Variants in NLRP1 observed in about 807,000 individuals in gnomAD.
NLRP1 encodes the protein NLR family pyrin domain containing 1.
In NLRP1, 94 loss-of-function variants were observed where a neutral mutation model predicts 136.7. The ratio of observed to expected loss-of-function variants is 0.69; its 90% confidence interval spans 0.58 to 0.82. The LOEUF is 0.82. Ranked by LOEUF, NLRP1 falls within the 40% of genes least tolerant of loss-of-function variation. NLRP1 has a pLI of 0.00. For missense variants in NLRP1, 1,575 were observed against 1,802.7 expected (o/e 0.87, Z 2.29); for synonymous variants, 690 against 725.1 (o/e 0.95, Z 0.78).
chr17:5,563,097 T>C (rs1914945332), intron 3 of NLRP1, among the ~76,000 whole-genome samples: 1 of 151,430 alleles, frequency 6.6e-6, no homozygotes, highest in Non-Finnish European at 1.5e-5. Flanking sequence ...TCAAACAAGA[T>C]AAAAACAAAA....
rs1567674530 is a variant in NLRP1 at position 5,581,877 on chromosome 17, A to G, written c.634T>C (p.Ser212Pro). 1 of 1,612,390 alleles carries G rather than the reference A, an allele frequency of 6.2e-7. No individual in the cohort carries two copies. Among genetic ancestry groups the G allele is most frequent in the Non-Finnish European group, 8.5e-7 (1 of 1,179,822 alleles). The change falls in exon 3 of 17, where the codon TCA becomes CCA. Residue 212 changes from serine (S) to proline (P), a missense_variant. Transcript: ENST00000572272. ...PGTQWPLDET[S>P]GIYYTEIRER... is the part of the protein sequence containing the mutation. ...GTCTCACCTGTGTAGTAAATTCCTG[A>G]CGTTTCATCCAGAGGCCATTGGGTC...
At chr17:5,512,381 T>G (rs1003133420), downstream of NLRP1, 4 of 1,131,362 alleles carry the variant, frequency 3.5e-6, no homozygotes, top group East Asian at 9.2e-5. Flanking sequence ...GACCCACACT[T>G]GTAACATCTT....
chr17:5,520,915 CCAGA>C lies in NLRP1; in HGVS notation c.3877_3880del (p.Ser1293GlyfsTer43), dbSNP rs1183244151. 1 of 1,610,958 alleles carries C rather than the reference CCAGA, an allele frequency of 6.2e-7. No individual in the cohort carries two copies. The highest frequency in any genetic ancestry group is 2.2e-5 in the East Asian group (1 of 44,880). ...TATTTCCAGCATCCCTGAACCAGAC[CCAGA>C]CACAGTGTAACGACAGCCCATATAA... On this transcript the variant is annotated frameshift_variant, in exon 14 of 17. Coordinates refer to ENST00000572272, the MANE Select transcript of NLRP1 (RefSeq NM_033004.4). LOFTEE classifies it high-confidence loss of function.
chr17:5,559,431 G>A lies in NLRP1; in HGVS notation c.1265C>T (p.Pro422Leu), dbSNP rs144297582. The stretch of plus-strand genomic sequence containing the variant: ...CCAGTGCAGACAGAGCTCAGAACTC[G>A]GCTCCTGCAAGACCCATCCTGGCTC... ...VDEPGWVLQE[P>L]SSELCLHWSQ... The change falls in exon 4 of 17, where the codon CCG (proline) becomes CTG (leucine). Residue 422 changes from proline (P) to leucine (L), a missense_variant. Coordinates refer to ENST00000572272, the MANE Select transcript of NLRP1 (RefSeq NM_033004.4). 1.9e-6 allele frequency: 3 copies of A among 1,613,430 alleles called. No individual in the cohort carries two copies. The highest frequency in any genetic ancestry group is 1.7e-5 in the Admixed American group (1 of 59,952).
chr17:5,578,175 A>C (rs963593752), intron 3 of NLRP1, among the ~76,000 whole-genome samples: 1 of 152,242 alleles, frequency 6.6e-6, no homozygotes, highest in African/African-American at 2.4e-5. Flanking sequence ...AAACCTAGGC[A>C]ATACCATTCA....
At chr17:5,527,343 TGGCCCACAGGCC>T (rs1567637133) in intron 12 of NLRP1, among the ~76,000 whole-genome samples, 1 of 152,212 alleles carries the variant, frequency 6.6e-6, no homozygotes, top group Non-Finnish European at 1.5e-5. Flanking sequence ...GGGCCGCATG[TGGCCCACAGGCC>T]GCAGGTTGTA....
At chr17:5,518,838 ATTT>A (rs35197506) in intron 14 of NLRP1, among the ~76,000 whole-genome samples, 14 of 129,200 alleles carry the variant, frequency 1.1e-4, no homozygotes, top group African/African-American at 1.7e-4. Flanking sequence ...CCACAACAGC[ATTT>A]TTTTTTTTTT....
At chr17:5,577,786 G>A (rs1000958472) in intron 3 of NLRP1, among the ~76,000 whole-genome samples, 4 of 152,208 alleles carry the variant, frequency 2.6e-5, no homozygotes, top group Admixed American at 2.0e-4. Flanking sequence ...AACCAAAAAA[G>A]AGCCCGCACT....
chr17:5,512,368 G>A (rs1408534197), downstream of NLRP1: 7 of 1,208,806 alleles, frequency 5.8e-6, 1 homozygote, highest in Middle Eastern at 7.5e-4. Flanking sequence ...TTCGTGATCT[G>A]TGGACCCACA....
intron 12 of NLRP1, among the ~76,000 whole-genome samples, chr17:5,528,101 T>C (rs2151751033): frequency 6.6e-6 from 1 of 152,306 alleles, no homozygotes; most frequent in South Asian, 2.1e-4. Flanking sequence ...CATCCCAGGT[T>C]GGGGCAAGCC....
chr17:5,539,063 G>A (rs1911496915), intron 7 of NLRP1, among the ~76,000 whole-genome samples: 1 of 152,118 alleles, frequency 6.6e-6, no homozygotes, highest in African/African-American at 2.4e-5. Flanking sequence ...TAGAGATGGG[G>A]TTTCAGCATG....
intron 12 of NLRP1, among the ~76,000 whole-genome samples, chr17:5,527,300 G>A (rs992732036): frequency 3.3e-5 from 5 of 152,190 alleles, no homozygotes; most frequent in Non-Finnish European, 5.9e-5. Flanking sequence ...GAAAGTTTAC[G>A]AATTCACGTT....
At position 5,537,287 on chromosome 17, in the gene NLRP1, G is replaced by T. The variant is rs1309978035; in HGVS notation, c.2871-347C>A. 1.3e-5 allele frequency among the ~76,000 whole-genome samples: 2 copies of T among 152,226 alleles called. No individual in the cohort carries two copies. Among genetic ancestry groups the T allele is most frequent in the Admixed American group, 1.3e-4 (2 of 15,290 alleles). ...CCAACATTGGCCAGTCATCGGATGT[G>T]GGCCTCCCCAGGAAGGAGATGTGGC... On this transcript the variant is annotated intron_variant, in intron 7 of 16. Coordinates refer to ENST00000572272, the MANE Select transcript of NLRP1 (RefSeq NM_033004.4). The surrounding 1 kb of genome is among the most constrained non-coding windows in gnomAD (Gnocchi z 4.5).
downstream of NLRP1, chr17:5,512,442 A>C: frequency 1.3e-6 from 1 of 790,612 alleles, no homozygotes; most frequent in Non-Finnish European, 2.2e-6. Flanking sequence ...CCGCAATTCC[A>C]CGACCAGGTT....
rs56927694 is a variant in NLRP1 at position 5,564,986 on chromosome 17, C to T, written c.653-4943G>A. 9.3e-3 allele frequency among the ~76,000 whole-genome samples: 1,423 copies of T among 152,198 alleles called. 23 individuals carry two copies. The highest frequency in any genetic ancestry group is 0.032 in the African/African-American group (1,349 of 41,532). ...TCTCCTGACCTCATGATCTGCCCACCTCGGCCTCCCAAAGTGCTGGGATTA... is the reference window on the plus strand; with the variant it reads ...TCTCCTGACCTCATGATCTGCCCACTTCGGCCTCCCAAAGTGCTGGGATTA... On this transcript the variant is annotated intron_variant, in intron 3 of 16. Coordinates refer to ENST00000572272, the MANE Select transcript of NLRP1 (RefSeq NM_033004.4).
At chr17:5,542,400 C>T (rs1723754408) in intron 5 of NLRP1, among the ~76,000 whole-genome samples, 1 of 151,986 alleles carries the variant, frequency 6.6e-6, no homozygotes, top group East Asian at 1.9e-4. Flanking sequence ...ACCCCAGGCA[C>T]AGTTCCACCT....
chr17:5,525,062 G>A (rs1231334855), intron 12 of NLRP1, among the ~76,000 whole-genome samples: 3 of 152,204 alleles, frequency 2.0e-5, no homozygotes, highest in Admixed American at 2.0e-4. Flanking sequence ...AGGAGAAGAA[G>A]GTTGAGTGTT....
At chr17:5,519,540 G>A (rs139970773) in intron 14 of NLRP1, among the ~76,000 whole-genome samples, 1,705 of 146,210 alleles carry the variant, frequency 0.012, 30 homozygotes, top group African/African-American at 0.041. Context: ...TCTGCCTCCC[G>A]GGTTCAAGCA....
chr17:5,574,211 T>C (rs1302769153), intron 3 of NLRP1, among the ~76,000 whole-genome samples: 1 of 152,186 alleles, frequency 6.6e-6, no homozygotes, highest in African/African-American at 2.4e-5. Context: ...GTATCAGTGA[T>C]TGAAGACCAA....
Sources: gnomAD v4.1 joint callset for allele counts (sites outside exome capture counted in the v4.1 genomes callset) on GRCh38, gnomAD v4.1.1 for gene constraint, Gnocchi (gnomAD v3.1) non-coding constraint, MANE v1.5 for transcripts, NCBI Gene and HGNC (gene_info 2026-07-23, HGNC 2026-07-21) for gene names.